BRINP3: variants seen among roughly 807,000 people sequenced by gnomAD.
The protein encoded by BRINP3 is BMP/retinoic acid-inducible neural-specific protein 3.
In BRINP3, 19 loss-of-function variants were observed where a neutral mutation model predicts 71.0. That is an observed-to-expected ratio of 0.27 (90% CI 0.19 to 0.39). The LOEUF (loss-of-function observed/expected upper bound fraction) is 0.39. Among genes scored for constraint, BRINP3 ranks in the 10% least tolerant of loss-of-function variants. The pLI, the probability that BRINP3 is intolerant of heterozygous loss-of-function variation, is 1.00. For missense variants in BRINP3, 959 were observed against 940.8 expected (o/e 1.02, Z -0.25); for synonymous variants, 380 against 337.7 (o/e 1.13, Z -1.37).
intron 2 of BRINP3, among the ~76,000 whole-genome samples, chr1:190,446,452 T>A (rs774660101): frequency 4.6e-5 from 7 of 151,902 alleles, no homozygotes; most frequent in South Asian, 2.1e-4. Flanking sequence ...TAGGAAAAAA[T>A]TAGATTGGTG....
At chr1:190,225,062 C>A (rs1657224354) in intron 6 of BRINP3, among the ~76,000 whole-genome samples, 1 of 151,872 alleles carries the variant, frequency 6.6e-6, no homozygotes, top group Non-Finnish European at 1.5e-5. Flanking sequence ...CTAAGGAGAA[C>A]TCTATGGAGT....
chr1:190,129,283 G>T (rs1195703675), intron 7 of BRINP3, among the ~76,000 whole-genome samples: 1 of 151,696 alleles, frequency 6.6e-6, no homozygotes, highest in South Asian at 2.1e-4. Context: ...ATTGTAAAAT[G>T]TATTCAGCTC....
intron 7 of BRINP3, among the ~76,000 whole-genome samples, chr1:190,112,850 C>T (rs865872609): frequency 6.6e-6 from 1 of 152,118 alleles, no homozygotes; most frequent in African/African-American, 2.4e-5. Flanking sequence ...TTACATTCCC[C>T]AGGAAAGAAC....
chr1:190,256,893 G>A (rs868474951), intron 4 of BRINP3, among the ~76,000 whole-genome samples: 2 of 152,078 alleles, frequency 1.3e-5, no homozygotes, highest in Non-Finnish European at 2.9e-5. Flanking sequence ...TGGGTAACCC[G>A]ACCTTTCTCT....
At chr1:190,179,019 T>C (rs1191124636) in intron 6 of BRINP3, among the ~76,000 whole-genome samples, 2 of 152,168 alleles carry the variant, frequency 1.3e-5, no homozygotes, top group African/African-American at 4.8e-5. Context: ...CTTTCTTTTA[T>C]TACAATGTCA....
chr1:190,105,540 CATAA>C (rs1652078170), intron 7 of BRINP3, among the ~76,000 whole-genome samples: 1 of 152,072 alleles, frequency 6.6e-6, no homozygotes. Context: ...GTTATCCTAA[CATAA>C]ATAAACACAC....
At position 190,234,297 on chromosome 1, in the gene BRINP3, A is replaced by G. The variant is rs1658306883; in HGVS notation, c.724+75T>C. The G allele has an allele frequency of 4.4e-6, 5 of 1,142,118 alleles. No individual in the cohort carries two copies. The Admixed American group carries it at 1.1e-4, about 25-fold the overall frequency. 70.7% of individuals were successfully genotyped at this position (1,142,118 alleles called of 1,614,324 possible). On this transcript the variant is annotated intron_variant, in intron 5 of 7. Transcript: ENST00000367462. ...TGTATGTATATGCAGTTTACTTTAAAAAATGGAAAAGAAATCACGACTGGA... is the reference window on the plus strand; with the variant it reads ...TGTATGTATATGCAGTTTACTTTAAGAAATGGAAAAGAAATCACGACTGGA...
At chr1:190,152,491 A>AT (rs1656483417) in intron 7 of BRINP3, among the ~76,000 whole-genome samples, 1 of 141,734 alleles carries the variant, frequency 7.1e-6, no homozygotes, top group East Asian at 2.1e-4. Context: ...TACATGCACA[A>AT]ATATATATAT....
intron 6 of BRINP3, among the ~76,000 whole-genome samples, chr1:190,171,251 T>G (rs1651984583): frequency 6.6e-6 from 1 of 152,180 alleles, no homozygotes; most frequent in Non-Finnish European, 1.5e-5. Context: ...TTGCTGTTTT[T>G]GATTGTTTGG....
chr1:190,272,616 T>G (rs1452024605), intron 3 of BRINP3, among the ~76,000 whole-genome samples: 1 of 151,616 alleles, frequency 6.6e-6, no homozygotes, highest in Non-Finnish European at 1.5e-5. Context: ...TAGGATTTCA[T>G]AGTTTTTTAA....
chr1:190,190,303 A>T lies in BRINP3; in HGVS notation c.962-29413T>A, dbSNP rs144089952. 6.9e-4 allele frequency among the ~76,000 whole-genome samples: 105 copies of T among 152,270 alleles called. 1 individual carries two copies. Among genetic ancestry groups the T allele is most frequent in the African/African-American group, 2.5e-3 (104 of 41,562 alleles). On this transcript the variant is annotated intron_variant, in intron 6 of 7. Transcript: ENST00000367462. ...CATTTCCCTTCTCTTTTCCCCAAGC[A>T]GACAGCCTCCCGTTTCACACAGGAC...
intron 2 of BRINP3, among the ~76,000 whole-genome samples, chr1:190,291,101 C>A (rs1004286801): frequency 2.0e-5 from 3 of 151,980 alleles, no homozygotes; most frequent in Non-Finnish European, 4.4e-5. Context: ...ATAGATTAAT[C>A]TTTTATTGTC....
At chr1:190,167,260 A>G (rs1456235334) in intron 6 of BRINP3, among the ~76,000 whole-genome samples, 1 of 152,178 alleles carries the variant, frequency 6.6e-6, no homozygotes, top group Non-Finnish European at 1.5e-5. Context: ...AAAGCTTCCA[A>G]AGAAAATTGA....
intron 2 of BRINP3, among the ~76,000 whole-genome samples, chr1:190,423,261 T>C (rs898414123): frequency 6.6e-6 from 1 of 151,778 alleles, no homozygotes; most frequent in Non-Finnish European, 1.5e-5. Flanking sequence ...GTTTTACCTC[T>C]TACTTTATGA....
At chr1:190,443,120 C>T (rs143147260) in intron 2 of BRINP3, among the ~76,000 whole-genome samples, 54 of 151,588 alleles carry the variant, frequency 3.6e-4, no homozygotes, top group African/African-American at 1.3e-3. Flanking sequence ...ACTATATAGG[C>T]CAGAATGATA....
rs933577235 is a variant in BRINP3 at position 190,165,086 on chromosome 1, C to A, written c.962-4196G>T. Among the ~76,000 whole-genome samples the A allele has an allele frequency of 2.0e-5, 3 of 151,296 alleles. No individual in the cohort carries two copies. In the East Asian group the frequency reaches 5.8e-4, roughly 29 times the overall value. On this transcript the variant is annotated intron_variant, in intron 6 of 7. Coordinates refer to ENST00000367462, the MANE Select transcript of BRINP3 (RefSeq NM_199051.3). ...ACAATGATAGAAAAATACATAATAT[C>A]TAACGAAATACATAAAGGATGATCA...
chr1:190,261,197 A>G (rs1159516370), intron 4 of BRINP3, among the ~76,000 whole-genome samples: 1 of 151,994 alleles, frequency 6.6e-6, no homozygotes, highest in Non-Finnish European at 1.5e-5. Flanking sequence ...ATTATATAGC[A>G]TTAACGTTTA....
At chr1:190,372,029 A>G (rs1669901732) in intron 2 of BRINP3, among the ~76,000 whole-genome samples, 1 of 152,206 alleles carries the variant, frequency 6.6e-6, no homozygotes, top group African/African-American at 2.4e-5. Flanking sequence ...GGTTTTTCAC[A>G]GTGAATACGA....
chr1:190,107,842 A>C (rs888373371), intron 7 of BRINP3, among the ~76,000 whole-genome samples: 5 of 151,020 alleles, frequency 3.3e-5, no homozygotes, highest in African/African-American at 1.2e-4. Flanking sequence ...ACTGGGGAAA[A>C]TCAAATAATT....
Sources: allele counts gnomAD v4.1 joint callset (sites outside exome capture counted in the v4.1 genomes callset), GRCh38; gene constraint gnomAD v4.1.1; transcripts MANE v1.5; gene names NCBI Gene and HGNC (gene_info 2026-07-23, HGNC 2026-07-21).